Variants in CSMD1 observed in about 807,000 individuals in gnomAD.
CSMD1 encodes CUB and Sushi multiple domains 1.
CSMD1 carries 213 observed loss-of-function variants against 417.5 expected under a neutral mutation model. That is an observed-to-expected ratio of 0.51 (90% confidence interval 0.46 to 0.57). The LOEUF (loss-of-function observed/expected upper bound fraction) is 0.57. Ranked by LOEUF, CSMD1 falls within the 20% of genes least tolerant of loss-of-function variation. The probability of loss-of-function intolerance (pLI) is 0.00; values close to 1 mark genes in which losing one functional copy is unlikely to be tolerated. For missense variants in CSMD1, 6,923 were observed against 4,529.7 expected (o/e 1.53, Z -15.17); for synonymous variants, 2,862 against 1,736.8 (o/e 1.65, Z -16.11).
At chr8:4,077,295 G>GTATA (rs1253192594) in intron 3 of CSMD1, among the ~76,000 whole-genome samples, 4 of 88,900 alleles carry the variant, frequency 4.5e-5, no homozygotes, top group South Asian at 5.0e-4. Context: ...ATATATATAT[G>GTATA]TGTATATATA....
intron 3 of CSMD1, among the ~76,000 whole-genome samples, chr8:4,115,959 C>G (rs1470635024): frequency 6.9e-6 from 1 of 145,448 alleles, no homozygotes; most frequent in African/African-American, 2.6e-5. Flanking sequence ...ACAGGGTTTT[C>G]ATTATTTTAT....
chr8:4,097,884 G>C (rs958115372), intron 3 of CSMD1, among the ~76,000 whole-genome samples: 1 of 152,100 alleles, frequency 6.6e-6, no homozygotes, highest in Non-Finnish European at 1.5e-5. Context: ...TATCCATGGG[G>C]CTTCATCAGC....
chr8:3,875,757 G>A (rs1231322443), intron 5 of CSMD1, among the ~76,000 whole-genome samples: 7 of 152,176 alleles, frequency 4.6e-5, no homozygotes, highest in East Asian at 1.9e-4. Flanking sequence ...AATGGAGACA[G>A]CCAGTGAAGA....
chr8:3,256,080 G>A (rs951290939), intron 26 of CSMD1, among the ~76,000 whole-genome samples: 21 of 151,986 alleles, frequency 1.4e-4, no homozygotes, highest in Admixed American at 1.4e-3. Context: ...GTAATCCCAG[G>A]ACTTTGGGGG....
intron 3 of CSMD1, among the ~76,000 whole-genome samples, chr8:4,332,777 A>T (rs1027879102): frequency 6.6e-6 from 1 of 152,082 alleles, no homozygotes; most frequent in Non-Finnish European, 1.5e-5. Context: ...ATGAATGTTC[A>T]AATTCAAAAT....
At chr8:4,072,196 A>C (rs985358392) in intron 3 of CSMD1, among the ~76,000 whole-genome samples, 8 of 152,140 alleles carry the variant, frequency 5.3e-5, no homozygotes, top group Non-Finnish European at 1.0e-4. Flanking sequence ...TTTCTGTTTT[A>C]CGTATTTATT....
At chr8:4,148,698 C>G (rs566263400) in intron 3 of CSMD1, among the ~76,000 whole-genome samples, 87 of 152,136 alleles carry the variant, frequency 5.7e-4, no homozygotes, top group African/African-American at 1.9e-3. Context: ...TAAGGGCACT[C>G]AGCCCACAGC....
At chr8:3,122,355 C>A (rs529315918) in intron 41 of CSMD1, among the ~76,000 whole-genome samples, 1 of 152,106 alleles carries the variant, frequency 6.6e-6, no homozygotes, top group African/African-American at 2.4e-5. Context: ...GGAACTACTG[C>A]GTTGATTAGA....
chr8:4,463,363 A>G (rs1227500146), intron 2 of CSMD1, among the ~76,000 whole-genome samples: 1 of 152,194 alleles, frequency 6.6e-6, no homozygotes, highest in Non-Finnish European at 1.5e-5. Context: ...TCTATTTTGT[A>G]AAATACTCCG....
chr8:4,352,867 T>C (rs1222846555), intron 3 of CSMD1, among the ~76,000 whole-genome samples: 1 of 152,196 alleles, frequency 6.6e-6, no homozygotes, highest in Non-Finnish European at 1.5e-5. Flanking sequence ...TTGTTTTGTA[T>C]TGATCGTCAG....
Position 3,390,562 on chromosome 8 carries a change from G to C in CSMD1, c.2594-2880C>G, listed in dbSNP as rs370172294. ...GAAATACAGACCACCGGACTTTGTT[G>C]AAACGACGTGTATATTCAGAGTCTG... On this transcript the variant is annotated intron_variant, in intron 17 of 69. Transcript: ENST00000635120. Among the ~76,000 whole-genome samples the C allele has an allele frequency of 5.9e-5, 9 of 151,860 alleles. No homozygotes were observed. In the East Asian group the frequency reaches 1.7e-3, roughly 29 times the overall value.
intron 5 of CSMD1, among the ~76,000 whole-genome samples, chr8:3,928,296 A>C (rs949639024): frequency 1.3e-5 from 2 of 152,202 alleles, no homozygotes; most frequent in Non-Finnish European, 2.9e-5. Context: ...TTGATTATTC[A>C]ACTTCTTGAA....
At chr8:3,681,904 G>T (rs1470930771) in intron 7 of CSMD1, among the ~76,000 whole-genome samples, 1 of 152,124 alleles carries the variant, frequency 6.6e-6, no homozygotes, top group African/African-American at 2.4e-5. Flanking sequence ...ACGACTATCT[G>T]ATCTTTGACA....
intron 7 of CSMD1, among the ~76,000 whole-genome samples, chr8:3,645,336 G>A (rs941324609): frequency 1.3e-5 from 2 of 152,210 alleles, no homozygotes; most frequent in Admixed American, 6.5e-5. Context: ...AACCTTCTGA[G>A]CAAAGACCTA....
At chr8:4,014,013 C>T (rs548987478) in intron 4 of CSMD1, among the ~76,000 whole-genome samples, 1 of 152,016 alleles carries the variant, frequency 6.6e-6, no homozygotes, top group East Asian at 1.9e-4. Flanking sequence ...CACGTAAATA[C>T]TGAAAGGACA....
chr8:3,776,853 G>C (rs1037861379), intron 5 of CSMD1, among the ~76,000 whole-genome samples: 2 of 140,164 alleles, frequency 1.4e-5, no homozygotes, highest in African/African-American at 2.8e-5. Flanking sequence ...TAGAATGACA[G>C]ATACAGACAA....
chr8:3,570,371 T>G (rs1563163418), intron 10 of CSMD1, among the ~76,000 whole-genome samples: 1 of 152,216 alleles, frequency 6.6e-6, no homozygotes, highest in Non-Finnish European at 1.5e-5. Context: ...CTTGGCTCCG[T>G]GGCAATTGGA....
At chr8:4,754,390 T>G (rs1811536051) in intron 1 of CSMD1, among the ~76,000 whole-genome samples, 1 of 151,962 alleles carries the variant, frequency 6.6e-6, no homozygotes, top group Non-Finnish European at 1.5e-5. Flanking sequence ...TTAATTGATC[T>G]GTAGTGTCAT....
intron 3 of CSMD1, among the ~76,000 whole-genome samples, chr8:4,293,141 G>C (rs909942204): frequency 6.6e-5 from 10 of 152,050 alleles, no homozygotes; most frequent in African/African-American, 1.7e-4. Context: ...GTTTTGTCCC[G>C]CACCTGCCCT....
Sources: gnomAD v4.1 joint callset for allele counts (sites outside exome capture counted in the v4.1 genomes callset) on GRCh38, gnomAD v4.1.1 for gene constraint, MANE v1.5 for transcripts, NCBI Gene and HGNC (gene_info 2026-07-23, HGNC 2026-07-21) for gene names.